CRTAC1: variants seen among roughly 807,000 people sequenced by gnomAD.
The protein encoded by CRTAC1 is acidic secreted protein in cartilage.
Under a neutral mutation model 67.8 loss-of-function variants are expected in CRTAC1, and 37 were observed. The ratio of observed to expected loss-of-function variants is 0.55; its 90% CI spans 0.42 to 0.72. The LOEUF is 0.72. Ranked by LOEUF, CRTAC1 falls within the 30% of genes least tolerant of loss-of-function variation. CRTAC1 has a pLI of 0.00. For synonymous variants in CRTAC1, 348 were observed against 371.0 expected, an observed-to-expected ratio of 0.94 and a Z score of 0.71; for missense variants, 780 against 931.6, an observed-to-expected ratio of 0.84 and a Z score of 2.12.
chr10:97,931,598 C>T (rs2051004938), intron 3 of CRTAC1, among the ~76,000 whole-genome samples: 1 of 152,188 alleles, frequency 6.6e-6, no homozygotes, highest in South Asian at 2.1e-4. Context: ...GTTGGGCATG[C>T]TGTTTGTGTA....
chr10:97,874,297 C>G (rs1472728286), intron 14 of CRTAC1, among the ~76,000 whole-genome samples: 5 of 152,208 alleles, frequency 3.3e-5, no homozygotes, highest in Admixed American at 6.5e-5. Flanking sequence ...GCCAAATTCC[C>G]AGGCCAGTTC....
chr10:97,888,165 A>T (rs1027774478), intron 11 of CRTAC1, among the ~76,000 whole-genome samples: 2 of 152,164 alleles, frequency 1.3e-5, no homozygotes, highest in Admixed American at 1.3e-4. Flanking sequence ...GGGATTTGGG[A>T]TTCAACAGAG....
intron 8 of CRTAC1, among the ~76,000 whole-genome samples, chr10:97,899,184 C>T (rs2050500070): frequency 6.6e-6 from 1 of 152,200 alleles, no homozygotes; most frequent in African/African-American, 2.4e-5. Flanking sequence ...AGATGCAGCC[C>T]CTCTCGCTGT....
chr10:97,866,387 G>A (rs1398545050), intron 14 of CRTAC1: 3 of 152,230 alleles, frequency 2.0e-5, no homozygotes, highest in South Asian at 2.1e-4. Context: ...TGCTGGTTGG[G>A]GGGCACAGAG....
chr10:97,872,111 C>T (rs1162452393), intron 14 of CRTAC1, among the ~76,000 whole-genome samples: 1 of 149,408 alleles, frequency 6.7e-6, no homozygotes, highest in Non-Finnish European at 1.5e-5. Context: ...ACTCACTCCC[C>T]ACCCCCACCC....
At chr10:98,013,586 A>G (rs963031511) in intron 1 of CRTAC1, among the ~76,000 whole-genome samples, 1 of 152,246 alleles carries the variant, frequency 6.6e-6, no homozygotes, top group Non-Finnish European at 1.5e-5. Context: ...AACAAGTCAC[A>G]ACCTCTTTGG....
chr10:97,880,227 C>T lies in CRTAC1; in HGVS notation c.1819+22G>A, dbSNP rs1281676988. 6 of 1,612,302 alleles carry T rather than the reference C, an allele frequency of 3.7e-6. No homozygotes were observed. The Admixed American group carries it at 6.7e-5, about 18-fold the overall frequency. ...AAAGCAACATCCTTTTGCTACTGGC[C>T]TATGGCTGGGGCCCCACTCACCCAC... On this transcript the variant is annotated intron_variant, in intron 14 of 14. Coordinates refer to ENST00000370597, the MANE Select transcript of CRTAC1 (RefSeq NM_018058.7).
At chr10:97,923,614 A>G (rs193022924) in intron 3 of CRTAC1, among the ~76,000 whole-genome samples, 151 of 152,280 alleles carry the variant, frequency 9.9e-4, no homozygotes, top group African/African-American at 3.6e-3. Context: ...GAGCCTCATG[A>G]AGATGGCTGG....
chr10:97,984,942 A>G (rs904154299), intron 2 of CRTAC1, among the ~76,000 whole-genome samples: 1 of 152,220 alleles, frequency 6.6e-6, no homozygotes, highest in African/African-American at 2.4e-5. Flanking sequence ...GAAAATAACT[A>G]AATTTCAAAC....
At chr10:97,929,783 C>T (rs916160936) in intron 3 of CRTAC1, among the ~76,000 whole-genome samples, 2 of 152,198 alleles carry the variant, frequency 1.3e-5, no homozygotes. Context: ...GTCACCATCA[C>T]CACCATCATC....
rs1228575847 is a variant in CRTAC1 at position 97,865,202 on chromosome 10, A to G, written c.*346T>C. The G allele has an allele frequency of 4.4e-6, 1 of 225,140 alleles. No individual in the cohort carries two copies. Among genetic ancestry groups the G allele is most frequent in the Admixed American group, 5.5e-5 (1 of 18,044 alleles). The allele number at this position is 225,140 out of a possible 1,614,324, so 13.9% of individuals were successfully genotyped here. On this transcript the variant is annotated 3_prime_UTR_variant, in exon 15 of 15. Transcript: ENST00000370597. ...TGGTGTAAGGTCACATAGCTTTGTG[A>G]GTTCCTGAATCAGGATTTGAACTCA...
chr10:97,889,750 T>G (rs1564879636), intron 11 of CRTAC1, among the ~76,000 whole-genome samples: 1 of 152,072 alleles, frequency 6.6e-6, no homozygotes, highest in African/African-American at 2.4e-5. Context: ...TGCAAAGTCA[T>G]GGGGAGGCAG....
intron 14 of CRTAC1, among the ~76,000 whole-genome samples, chr10:97,873,849 C>G (rs1334038575): frequency 1.3e-5 from 2 of 152,210 alleles, no homozygotes; most frequent in African/African-American, 2.4e-5. Flanking sequence ...ACCCTGCCTC[C>G]CTCCTCACAG....
At chr10:98,004,927 A>G (rs1842754226) in intron 2 of CRTAC1, among the ~76,000 whole-genome samples, 1 of 151,010 alleles carries the variant, frequency 6.6e-6, no homozygotes, top group South Asian at 2.1e-4. Context: ...TTCTGGAAGC[A>G]TAAACAGCAA....
intron 1 of CRTAC1, among the ~76,000 whole-genome samples, chr10:98,014,903 A>G (rs1014596778): frequency 3.9e-5 from 6 of 152,256 alleles, no homozygotes; most frequent in Admixed American, 1.3e-4. Flanking sequence ...TCCTCAAAAA[A>G]TTCCAATTAG....
At chr10:97,908,779 T>C (rs1488196891) in intron 5 of CRTAC1, among the ~76,000 whole-genome samples, 1 of 152,232 alleles carries the variant, frequency 6.6e-6, no homozygotes, top group Non-Finnish European at 1.5e-5. Flanking sequence ...CTGTGATATA[T>C]GGTTGAAAGA....
rs147820484 is a variant in CRTAC1 at position 97,984,172 on chromosome 10, T to G, written c.224+26966A>C. Among the ~76,000 whole-genome samples the G allele has an allele frequency of 5.4e-4, 83 of 152,334 alleles. 1 individual carries two copies. The highest frequency in any genetic ancestry group is 2.0e-3 in the African/African-American group (82 of 41,582). Reference sequence around the variant, plus strand: ...TGAGGGGTGGGGCAGGGTCTCAGACTGCATGTAGAGAATTTTCCAAAGGCT... The same window carrying G: ...TGAGGGGTGGGGCAGGGTCTCAGACGGCATGTAGAGAATTTTCCAAAGGCT... On this transcript the variant is annotated intron_variant, in intron 2 of 14. Coordinates refer to ENST00000370597, the MANE Select transcript of CRTAC1 (RefSeq NM_018058.7).
At chr10:97,979,169 G>A (rs1055791788) in intron 2 of CRTAC1, among the ~76,000 whole-genome samples, 2 of 152,272 alleles carry the variant, frequency 1.3e-5, no homozygotes, top group East Asian at 1.9e-4. Flanking sequence ...GAAGCAGGGC[G>A]GGGCTCATAC....
At chr10:97,981,560 G>C (rs1471459236) in intron 2 of CRTAC1, among the ~76,000 whole-genome samples, 1 of 152,068 alleles carries the variant, frequency 6.6e-6, no homozygotes, top group East Asian at 1.9e-4. Flanking sequence ...AGTTGCTTCT[G>C]GTTTTTTTGC....
Sources: allele counts gnomAD v4.1 joint callset (sites outside exome capture counted in the v4.1 genomes callset), GRCh38; gene constraint gnomAD v4.1.1; transcripts MANE v1.5; gene names NCBI Gene and HGNC (gene_info 2026-07-23, HGNC 2026-07-21).